The following TTC28 variants were observed in gnomAD, a reference collection of about 807,000 sequenced individuals.
TTC28 encodes tetratricopeptide repeat protein 28.
A neutral mutation model predicts 198.0 loss-of-function variants in TTC28; 61 were observed. The ratio of observed to expected loss-of-function variants is 0.31; its 90% CI spans 0.25 to 0.38. The LOEUF (loss-of-function observed/expected upper bound fraction) is 0.38. Ranked by LOEUF, TTC28 falls within the 10% of genes least tolerant of loss-of-function variation. TTC28 has a pLI of 1.00. For synonymous variants in TTC28, 1,171 were observed against 1,297.8 expected (o/e 0.90, Z 2.10); for missense variants, 2,678 against 3,164.0 (o/e 0.85, Z 3.69).
chr22:28,271,307 C>A (rs924930149), intron 5 of TTC28, among the ~76,000 whole-genome samples: 1 of 152,062 alleles, frequency 6.6e-6, no homozygotes, highest in Non-Finnish European at 1.5e-5. Context: ...TATACTGTAC[C>A]TTTATTCTTC....
intron 2 of TTC28, among the ~76,000 whole-genome samples, chr22:28,439,931 A>T (rs2047591678): frequency 1.3e-5 from 2 of 151,918 alleles, no homozygotes; most frequent in Non-Finnish European, 2.9e-5. Flanking sequence ...CACCTCCCAG[A>T]TTCAAGCGAT....
In TTC28 at chr22:27,982,430, G is replaced by A; in HGVS notation, c.7237C>T (p.Leu2413=). 1.3e-6 allele frequency: 2 copies of A among 1,551,610 alleles called. No homozygotes were observed. The highest frequency in any genetic ancestry group is 1.7e-6 in the Non-Finnish European group (2 of 1,146,994). Residue 2413 remains leucine, a synonymous_variant, in exon 23 of 23, where the codon CTG becomes TTG. Coordinates refer to ENST00000397906, the MANE Select transcript of TTC28 (RefSeq NM_001145418.2). This position sits in a 1 kb window ranked among gnomAD's most constrained non-coding sequence, Gnocchi z 5.2. ...TGCTGCTGCAGGGACAGCTCCTTCA[G>A]TTCAAGCTTATCCACTCCCTCCTCC... ...KKEEGVDKLE[L]KELSLQQHDG...
At chr22:28,277,534 T>C (rs185554601) in intron 5 of TTC28, among the ~76,000 whole-genome samples, 34 of 152,284 alleles carry the variant, frequency 2.2e-4, no homozygotes, top group Non-Finnish European at 2.1e-4. Flanking sequence ...TTTTACAAAA[T>C]TAAAAAGGAC....
chr22:28,035,985 A>ACAGCAAGT (rs1180855696), intron 12 of TTC28, among the ~76,000 whole-genome samples: 1 of 152,202 alleles, frequency 6.6e-6, no homozygotes, highest in Non-Finnish European at 1.5e-5. Context: ...CCAGATTCAC[A>ACAGCAAGT]CAGCAAGTCC....
intron 12 of TTC28, among the ~76,000 whole-genome samples, chr22:28,064,754 C>G (rs1462260814): frequency 6.6e-6 from 1 of 152,084 alleles, no homozygotes; most frequent in Non-Finnish European, 1.5e-5. Flanking sequence ...TTGCTGCCCT[C>G]AAGAAGCAAG....
intron 5 of TTC28, among the ~76,000 whole-genome samples, chr22:28,288,158 C>T (rs1476039651): frequency 1.3e-5 from 2 of 152,118 alleles, no homozygotes; most frequent in Non-Finnish European, 2.9e-5. Context: ...TTTATATGAA[C>T]TAATTTAATT....
At chr22:28,394,137 T>C (rs1217827229) in intron 2 of TTC28, among the ~76,000 whole-genome samples, 2 of 152,192 alleles carry the variant, frequency 1.3e-5, no homozygotes, top group African/African-American at 2.4e-5. Context: ...CCTCCACCTA[T>C]GCTGAGCTGC....
chr22:28,201,058 C>A (rs1270913868), intron 5 of TTC28, among the ~76,000 whole-genome samples: 14 of 152,170 alleles, frequency 9.2e-5, no homozygotes, highest in Admixed American at 9.2e-4. Flanking sequence ...TTGTAACTCA[C>A]AACACATTAG....
At chr22:28,638,508 A>G (rs2051310619) in intron 1 of TTC28, among the ~76,000 whole-genome samples, 1 of 152,128 alleles carries the variant, frequency 6.6e-6, no homozygotes, top group Non-Finnish European at 1.5e-5. Context: ...AAGACCAAAA[A>G]GATTAGTAAC....
intron 2 of TTC28, among the ~76,000 whole-genome samples, chr22:28,534,967 G>C (rs1308016924): frequency 6.6e-6 from 1 of 151,968 alleles, no homozygotes; most frequent in African/African-American, 2.4e-5. Context: ...ATGTAAATGA[G>C]TTAATGGGTG....
chr22:28,172,703 G>GTGTCAGGCTGTCA (rs1460438688), intron 5 of TTC28, among the ~76,000 whole-genome samples: 1 of 152,126 alleles, frequency 6.6e-6, no homozygotes, highest in African/African-American at 2.4e-5. Context: ...TGTCAGGCTG[G>GTGTCAGGCTGTCA]GACTCTCCGT....
At chr22:28,257,371 T>G (rs1468093056) in intron 5 of TTC28, among the ~76,000 whole-genome samples, 2 of 152,120 alleles carry the variant, frequency 1.3e-5, no homozygotes, top group African/African-American at 4.8e-5. Context: ...CAATGGATAA[T>G]GAATGAGTAA....
At chr22:28,594,590 A>G (rs1454610287) in intron 2 of TTC28, among the ~76,000 whole-genome samples, 2 of 152,142 alleles carry the variant, frequency 1.3e-5, no homozygotes, top group Non-Finnish European at 2.9e-5. Context: ...TAACCTCTCT[A>G]TAACTTTCAG....
intron 2 of TTC28, among the ~76,000 whole-genome samples, chr22:28,427,418 C>A (rs1322590977): frequency 1.3e-5 from 2 of 152,148 alleles, no homozygotes; most frequent in Non-Finnish European, 2.9e-5. Context: ...CTTTGGGAGG[C>A]CGAGGAGGGC....
At chr22:28,051,692 C>A (rs997880708) in intron 12 of TTC28, among the ~76,000 whole-genome samples, 8 of 152,210 alleles carry the variant, frequency 5.3e-5, no homozygotes, top group African/African-American at 1.9e-4. Context: ...AGCCCCCAAA[C>A]ACAACTTAAA....
intron 2 of TTC28, among the ~76,000 whole-genome samples, chr22:28,577,522 G>A (rs2050169215): frequency 1.3e-5 from 2 of 151,738 alleles, no homozygotes; most frequent in African/African-American, 4.8e-5. Flanking sequence ...GTTTATTTGT[G>A]GATTTTCTGT....
chr22:28,564,103 G>A (rs5762689), intron 2 of TTC28, among the ~76,000 whole-genome samples: 1 of 152,164 alleles, frequency 6.6e-6, no homozygotes, highest in Non-Finnish European at 1.5e-5. Context: ...ACAGAATGTA[G>A]ATTGGTGGTT....
chr22:28,532,630 G>A lies in TTC28; in HGVS notation c.381+96922C>T, dbSNP rs567587083. On this transcript the variant is annotated intron_variant, in intron 2 of 22. Coordinates refer to ENST00000397906, the MANE Select transcript of TTC28 (RefSeq NM_001145418.2). Reference sequence around the variant, plus strand: ...AAAAGAGAATTTTAGACCATTATCCGTGATGAACATCGATGCAAAAATCCT... The same window carrying A: ...AAAAGAGAATTTTAGACCATTATCCATGATGAACATCGATGCAAAAATCCT... Among the ~76,000 whole-genome samples, 8 of 152,188 alleles carry A rather than the reference G, an allele frequency of 5.3e-5. No individual in the cohort carries two copies. In the East Asian group the frequency reaches 5.8e-4, roughly 11 times the overall value.
chr22:28,507,259 C>T (rs2048624689), intron 2 of TTC28, among the ~76,000 whole-genome samples: 1 of 152,140 alleles, frequency 6.6e-6, no homozygotes, highest in African/African-American at 2.4e-5. Flanking sequence ...GAAAACCTCA[C>T]AATGCCATCA....
Sources: allele counts gnomAD v4.1 joint callset (sites outside exome capture counted in the v4.1 genomes callset), GRCh38; gene constraint gnomAD v4.1.1; non-coding constraint Gnocchi (gnomAD v3.1); transcripts MANE v1.5; gene names NCBI Gene and HGNC (gene_info 2026-07-23, HGNC 2026-07-21).